CALN1: variants seen among roughly 807,000 people sequenced by gnomAD.
The protein encoded by CALN1 is calneuron 1.
A neutral mutation model predicts 30.6 loss-of-function variants in CALN1; 17 were observed. The ratio of observed to expected loss-of-function variants is 0.56; its 90% CI spans 0.38 to 0.83. CALN1 has a LOEUF of 0.83. Among genes scored for constraint, CALN1 ranks in the 40% least tolerant of loss-of-function variants. The pLI, the probability that CALN1 is intolerant of heterozygous loss-of-function variation, is 0.00. For missense variants in CALN1, 291 were observed against 354.9 expected, an observed-to-expected ratio of 0.82 and a Z score of 1.45; for synonymous variants, 156 against 131.4, an observed-to-expected ratio of 1.19 and a Z score of -1.28.
chr7:72,409,906 C>T (rs1278739066), intron 1 of CALN1, among the ~76,000 whole-genome samples: 5 of 152,156 alleles, frequency 3.3e-5, no homozygotes, highest in Admixed American at 2.6e-4. Flanking sequence ...TTGAGGGCCA[C>T]ATTATAATCA....
intron 5 of CALN1, among the ~76,000 whole-genome samples, chr7:72,007,094 T>C (rs79186569): frequency 0.016 from 2,426 of 152,224 alleles, 54 homozygotes; most frequent in African/African-American, 0.056. Flanking sequence ...GGCAACCAAA[T>C]CCCCAATTTT....
chr7:71,960,060 G>A (rs185556543), intron 5 of CALN1, among the ~76,000 whole-genome samples: 231 of 151,738 alleles, frequency 1.5e-3, no homozygotes, highest in African/African-American at 5.4e-3. Context: ...TTGAACCCAG[G>A]AGGTGGTGGT....
At chr7:71,975,418 T>C (rs552212140) in intron 5 of CALN1, among the ~76,000 whole-genome samples, 1 of 152,206 alleles carries the variant, frequency 6.6e-6, no homozygotes, top group East Asian at 1.9e-4. Flanking sequence ...ACCTGTGCTC[T>C]TTCATTTTTA....
At chr7:72,493,595 T>G in the CALN1 span, among the ~76,000 whole-genome samples, 3 of 152,192 alleles carry the variant, frequency 2.0e-5, no homozygotes, top group Admixed American at 1.3e-4. Context: ...CGCCTCAGCT[T>G]CCCAAATTGC....
chr7:72,114,637 G>A (rs190313307), intron 3 of CALN1, among the ~76,000 whole-genome samples: 20 of 152,246 alleles, frequency 1.3e-4, no homozygotes, highest in African/African-American at 4.6e-4. Context: ...ACTGACTTCA[G>A]AAATTAGGAA....
chr7:72,347,019 G>A (rs1802680077), intron 2 of CALN1, among the ~76,000 whole-genome samples: 1 of 152,074 alleles, frequency 6.6e-6, no homozygotes, highest in Admixed American at 6.5e-5. Flanking sequence ...GAGAGGATTA[G>A]AGCACAGCGA....
At chr7:72,268,793 C>CCACACACACAAACACAAA (rs56386718) in intron 3 of CALN1, among the ~76,000 whole-genome samples, 1 of 145,834 alleles carries the variant, frequency 6.9e-6, no homozygotes, top group African/African-American at 2.6e-5. Context: ...CAAGACCCTG[C>CCACACACACAAACACAAA]CACACACACA....
intron 3 of CALN1, among the ~76,000 whole-genome samples, chr7:72,111,837 G>A (rs1261349890): frequency 6.6e-6 from 1 of 151,430 alleles, no homozygotes; most frequent in African/African-American, 2.4e-5. Context: ...TGCAACCTCC[G>A]CCTCCCTGGT....
chr7:72,374,767 T>A (rs960755572), intron 2 of CALN1, among the ~76,000 whole-genome samples: 10 of 152,164 alleles, frequency 6.6e-5, no homozygotes, highest in Non-Finnish European at 1.3e-4. Flanking sequence ...ATAAATTTCC[T>A]CATGTATCAC....
chr7:72,104,684 C>A (rs1386517733), intron 4 of CALN1, among the ~76,000 whole-genome samples: 2 of 152,088 alleles, frequency 1.3e-5, no homozygotes, highest in African/African-American at 4.8e-5. Context: ...TTAGGCCGGG[C>A]GCGCTGGCTC....
At chr7:72,295,960 T>C (rs1221121441) in intron 2 of CALN1, among the ~76,000 whole-genome samples, 1 of 151,992 alleles carries the variant, frequency 6.6e-6, no homozygotes, top group Non-Finnish European at 1.5e-5. Flanking sequence ...AACGGAATGC[T>C]TCCAGTTTTT....
At chr7:71,792,951 G>A (rs1192949512) in intron 6 of CALN1, among the ~76,000 whole-genome samples, 2 of 151,916 alleles carry the variant, frequency 1.3e-5, no homozygotes, top group Non-Finnish European at 2.9e-5. Context: ...CCAAGCAGTA[G>A]GAAGGGAGAG....
intron 2 of CALN1, among the ~76,000 whole-genome samples, chr7:72,396,160 G>A (rs1189749373): frequency 2.0e-5 from 3 of 147,470 alleles, no homozygotes; most frequent in African/African-American, 7.6e-5. Flanking sequence ...CACTTGGGAA[G>A]CCAAGGCAGG....
chr7:72,404,874 G>A (rs1041600266), intron 1 of CALN1, among the ~76,000 whole-genome samples: 10 of 152,150 alleles, frequency 6.6e-5, no homozygotes, highest in East Asian at 3.8e-4. Context: ...AGCCTCAATC[G>A]GCTCAAATGA....
chr7:72,166,270 T>G (rs186838464), intron 3 of CALN1, among the ~76,000 whole-genome samples: 1 of 152,286 alleles, frequency 6.6e-6, no homozygotes, highest in South Asian at 2.1e-4. Context: ...GGCATGATCA[T>G]AGCTCACTGC....
chr7:72,121,345 T>A (rs1808376358), intron 3 of CALN1, among the ~76,000 whole-genome samples: 1 of 144,812 alleles, frequency 6.9e-6, no homozygotes, highest in Non-Finnish European at 1.5e-5. Flanking sequence ...ATAAATTATA[T>A]TATATAATTA....
At chr7:72,060,630 A>G (rs1020198089) in intron 4 of CALN1, among the ~76,000 whole-genome samples, 3 of 152,156 alleles carry the variant, frequency 2.0e-5, no homozygotes, top group Admixed American at 6.5e-5. Context: ...GTGAGCCCCA[A>G]TGTTGAACTT....
the CALN1 span, among the ~76,000 whole-genome samples, chr7:72,488,650 G>A: frequency 6.6e-6 from 1 of 152,100 alleles, no homozygotes; most frequent in African/African-American, 2.4e-5. Flanking sequence ...TACCCTGCCA[G>A]CTTCAGGAAG....
At chr7:71,884,826 G>GA (rs1400688635) in intron 5 of CALN1, among the ~76,000 whole-genome samples, 6 of 152,096 alleles carry the variant, frequency 3.9e-5, no homozygotes. Flanking sequence ...CTTTGTGGGG[G>GA]AAAATCTGCA....
Sources: gnomAD v4.1 joint callset for allele counts (sites outside exome capture counted in the v4.1 genomes callset) on GRCh38, gnomAD v4.1.1 for gene constraint, MANE v1.5 for transcripts, NCBI Gene and HGNC (gene_info 2026-07-23, HGNC 2026-07-21) for gene names.